The following USP15 variants were observed in gnomAD, a reference collection of about 807,000 sequenced individuals.
USP15 encodes the protein ubiquitin specific peptidase 15.
Under a neutral mutation model 127.1 loss-of-function variants are expected in USP15, and 18 were observed. That is an observed-to-expected ratio of 0.14 (90% CI 0.10 to 0.21). The LOEUF is 0.21. Among genes scored for constraint, USP15 ranks in the 10% least tolerant of loss-of-function variants. The pLI, the probability that USP15 is intolerant of heterozygous loss-of-function variation, is 1.00. For missense variants in USP15, 805 were observed against 1,159.9 expected, an observed-to-expected ratio of 0.69 and a Z score of 4.44; for synonymous variants, 364 against 393.7, an observed-to-expected ratio of 0.92 and a Z score of 0.89.
intron 6 of USP15, chr12:62,336,207 C>G (rs2065458794): frequency 1.0e-6 from 1 of 985,332 alleles, no homozygotes; most frequent in African/African-American, 1.7e-5. Flanking sequence ...CCAGCTCAAA[C>G]TGACACAAAA....
rs1481347643 is a variant in USP15, at chr12:62,312,295, A to G, written c.349-2495A>G. ...TCTCTTCCCATTTCAGGGAGGGAGCATACTTGGAATGAAGGTAAAGTTTCC... is the reference window on the plus strand; with the variant it reads ...TCTCTTCCCATTTCAGGGAGGGAGCGTACTTGGAATGAAGGTAAAGTTTCC... On this transcript the variant is annotated intron_variant, in intron 3 of 21. Transcript: ENST00000280377. 1.7e-5 allele frequency: 6 copies of G among 344,894 alleles called. No homozygotes were observed. The East Asian group carries it at 2.9e-4, about 17-fold the overall frequency. The allele number at this position is 344,894 out of a possible 1,614,324, so 21.4% of individuals were successfully genotyped here.
At chr12:62,401,100 T>C in intron 20 of USP15, 87 bp from the exon 21 acceptor site, 1 of 773,756 alleles carries the variant, frequency 1.3e-6, no homozygotes, top group Non-Finnish European at 2.1e-6. Flanking sequence ...TTAATAGATA[T>C]TCCTTATATA....
At chr12:62,346,734 C>T (rs1422271537) in intron 6 of USP15, among the ~76,000 whole-genome samples, 2 of 152,092 alleles carry the variant, frequency 1.3e-5, no homozygotes, top group Non-Finnish European at 2.9e-5. Flanking sequence ...CCACATGCTC[C>T]AGCACAATTG....
intron 8 of USP15, among the ~76,000 whole-genome samples, chr12:62,377,280 T>C (rs912089156): frequency 1.8e-4 from 28 of 152,208 alleles, no homozygotes; most frequent in African/African-American, 6.3e-4. Context: ...CATTAAAACA[T>C]GGTATTTAAT....
Position 62,321,512 on chromosome 12 carries a change from A to G in USP15, c.524A>G (p.Lys175Arg). The G allele has an allele frequency of 6.2e-7, 1 of 1,607,796 alleles. No homozygotes were observed. The highest frequency in any genetic ancestry group is 1.1e-5 in the South Asian group (1 of 90,114). The change falls in exon 5 of 22, where the codon AAG (lysine) becomes AGG (arginine). Residue 175 changes from lysine (K) to arginine (R), a missense_variant. By Grantham distance (26) the Lys-to-Arg change is conservative (BLOSUM62 2). This residue lies in a region of USP15 where 57 missense variants were observed against 47.3 expected (regional missense o/e 1.20). Transcript: ENST00000280377. Reference protein sequence around the residue: ...IRKIFSIPDEKETRLWNKYMS... With the variant: ...IRKIFSIPDERETRLWNKYMS... Reference sequence around the variant, plus strand: ...AAAATCTTCAGTATTCCAGATGAAAAGGAGACCAGATTGTGGAACAAATAC... The same window carrying G: ...AAAATCTTCAGTATTCCAGATGAAAGGGAGACCAGATTGTGGAACAAATAC...
chr12:62,348,242 C>T (rs998150601), intron 6 of USP15, among the ~76,000 whole-genome samples: 8 of 152,104 alleles, frequency 5.3e-5, no homozygotes, highest in Non-Finnish European at 7.4e-5. Context: ...TTAAAATGTA[C>T]ATTTTTTTAT....
rs1592760227 is a variant in USP15 at position 62,414,679 on chromosome 12, G to C, written c.*10304G>C. 1 of 151,938 alleles carries C rather than the reference G, an allele frequency of 6.6e-6. No homozygotes were observed. Among genetic ancestry groups the C allele is most frequent in the Non-Finnish European group, 1.5e-5 (1 of 68,002 alleles). 9.4% of individuals were successfully genotyped at this position (151,938 alleles called of 1,614,324 possible). A position where few individuals can be genotyped will look rare whatever the true frequency, so the allele number is the denominator to read the frequency against. On this transcript the variant is annotated 3_prime_UTR_variant, in exon 22 of 22. Transcript: ENST00000280377. The stretch of plus-strand genomic sequence containing the variant: ...CAGTACTAAATAACTACATGTCTTT[G>C]GCAGCCTATAATGTAGCATCCCATT...
At chr12:62,335,392 C>T (rs1270998699) in intron 6 of USP15, 5 of 1,402,264 alleles carry the variant, frequency 3.6e-6, no homozygotes, top group South Asian at 1.7e-5. Context: ...ATGTCTGCAA[C>T]AGTATTGTAA....
chr12:62,277,811 G>C (rs771324761), intron 1 of USP15, among the ~76,000 whole-genome samples: 7 of 152,120 alleles, frequency 4.6e-5, no homozygotes, highest in African/African-American at 1.2e-4. Flanking sequence ...CCTCAGGTTG[G>C]ACAAGCTTGG....
At chr12:62,380,950 A>G (rs1378317845) in intron 8 of USP15, among the ~76,000 whole-genome samples, 3 of 152,084 alleles carry the variant, frequency 2.0e-5, no homozygotes, top group African/African-American at 4.8e-5. Context: ...TTCACATACT[A>G]AAGTTTGTTC....
At chr12:62,343,709 A>C (rs1023363174) in intron 6 of USP15, among the ~76,000 whole-genome samples, 1 of 151,462 alleles carries the variant, frequency 6.6e-6, no homozygotes, top group African/African-American at 2.4e-5. Flanking sequence ...GCTTCTGCTC[A>C]CTCTCTGTGG....
At chr12:62,296,344 C>T (rs763255272) in intron 2 of USP15, among the ~76,000 whole-genome samples, 1 of 152,148 alleles carries the variant, frequency 6.6e-6, no homozygotes, top group Non-Finnish European at 1.5e-5. Context: ...ACTAATAAAT[C>T]GGTGATGTTT....
Position 62,325,864 on chromosome 12 carries a change from A to T in USP15, c.622-8A>T, listed in dbSNP as rs377193561. On this transcript the variant is annotated splice_polypyrimidine_tract_variant and splice_region_variant and intron_variant, in intron 5 of 21. Transcript: ENST00000280377. ...GAAAAACACCCTTTTATTGTGTCAT[A>T]TTTGCAGGTATTAGTGATAGAACAG... 1.2e-6 allele frequency: 2 copies of T among 1,603,884 alleles called. No individual in the cohort carries two copies. The highest frequency in any genetic ancestry group is 1.3e-5 in the African/African-American group (1 of 74,654).
intron 6 of USP15, among the ~76,000 whole-genome samples, chr12:62,332,297 T>C (rs1442058198): frequency 6.6e-6 from 1 of 152,190 alleles, no homozygotes; most frequent in Non-Finnish European, 1.5e-5. Flanking sequence ...GCATTTCTTA[T>C]CTAGTTTTTA....
At position 62,355,379 on chromosome 12, in the gene USP15, C is replaced by G; in HGVS notation, c.819C>G (p.Asn273Lys). Residue 273 changes from asparagine to lysine, a missense_variant, in exon 8 of 22, where the codon AAC (asparagine) becomes AAG (lysine). Transcript: ENST00000280377. Reference protein sequence around the residue: ...YCLPSYTAYKNYDYSEPGRNN... With the variant: ...YCLPSYTAYKKYDYSEPGRNN... ...TTCCATCATATACCGCTTATAAGAACTATGATTATTCGGAACCTGGAAGAA... is the reference window on the plus strand; with the variant it reads ...TTCCATCATATACCGCTTATAAGAAGTATGATTATTCGGAACCTGGAAGAA... 6.2e-7 allele frequency: 1 copy of G among 1,611,400 alleles called. No homozygotes were observed. The highest frequency in any genetic ancestry group is 8.5e-7 in the Non-Finnish European group (1 of 1,178,454).
chr12:62,274,487 T>G (rs1473134596), intron 1 of USP15, among the ~76,000 whole-genome samples: 1 of 150,520 alleles, frequency 6.6e-6, no homozygotes, highest in Admixed American at 6.6e-5. Context: ...CTACAAAAAA[T>G]TTTTAAAAAT....
intron 2 of USP15, among the ~76,000 whole-genome samples, chr12:62,298,658 C>T (rs1232974638): frequency 1.3e-5 from 2 of 151,462 alleles, no homozygotes; most frequent in Non-Finnish European, 2.9e-5. Flanking sequence ...AGCAAGACTC[C>T]ATCTCAAAAA....
chr12:62,321,391 G>A, intron 4 of USP15, 73 bp from the exon 5 acceptor site: 1 of 896,342 alleles, frequency 1.1e-6, no homozygotes, highest in Non-Finnish European at 1.5e-6. Flanking sequence ...TTTTTGTGCT[G>A]GTAACATTTA....
intron 4 of USP15, among the ~76,000 whole-genome samples, chr12:62,316,953 A>G (rs944258537): frequency 1.3e-5 from 2 of 152,178 alleles, no homozygotes; most frequent in South Asian, 2.1e-4. Context: ...TTAACATTAT[A>G]TATGAACCCA....
Sources: allele counts gnomAD v4.1 joint callset (sites outside exome capture counted in the v4.1 genomes callset), GRCh38; gene constraint gnomAD v4.1.1; regional missense constraint gnomAD v4.1.1; transcripts MANE v1.5; gene names NCBI Gene and HGNC (gene_info 2026-07-23, HGNC 2026-07-21).